Variants in GRM8 observed in about 807,000 individuals in gnomAD.
The protein encoded by GRM8 is metabotropic glutamate receptor 8.
A neutral mutation model predicts 87.2 loss-of-function variants in GRM8; 47 were observed. The observed-to-expected ratio is 0.54, with a 90% confidence interval of 0.43 to 0.69. GRM8 has a LOEUF of 0.69. Ranked by LOEUF, GRM8 falls within the 30% of genes least tolerant of loss-of-function variation. The pLI, the probability that GRM8 is intolerant of heterozygous loss-of-function variation, is 0.00. For missense variants in GRM8, 1,019 were observed against 1,139.2 expected (o/e 0.89, Z 1.52); for synonymous variants, 396 against 404.5 (o/e 0.98, Z 0.25).
At chr7:126,924,723 C>G (rs1014145898) in intron 3 of GRM8, among the ~76,000 whole-genome samples, 1 of 152,078 alleles carries the variant, frequency 6.6e-6, no homozygotes, top group East Asian at 1.9e-4. Flanking sequence ...TTATCTGGCT[C>G]TAATTGTACA....
chr7:126,778,523 T>C (rs1819707150), intron 6 of GRM8, among the ~76,000 whole-genome samples: 1 of 152,196 alleles, frequency 6.6e-6, no homozygotes, highest in African/African-American at 2.4e-5. Context: ...ATTTCATAGA[T>C]ATATCCCTAA....
intron 3 of GRM8, among the ~76,000 whole-genome samples, chr7:127,066,875 G>A (rs1231046836): frequency 6.6e-6 from 1 of 152,110 alleles, no homozygotes; most frequent in African/African-American, 2.4e-5. Flanking sequence ...CCACATATGA[G>A]TGACAACATG....
chr7:127,034,103 C>T (rs1033636324), intron 3 of GRM8, among the ~76,000 whole-genome samples: 1 of 152,172 alleles, frequency 6.6e-6, no homozygotes, highest in Non-Finnish European at 1.5e-5. Context: ...AGTGATATCA[C>T]TGCATAATTA....
chr7:126,960,951 T>C (rs1809253605), intron 3 of GRM8, among the ~76,000 whole-genome samples: 1 of 152,158 alleles, frequency 6.6e-6, no homozygotes, highest in African/African-American at 2.4e-5. Flanking sequence ...CCTTTATCAT[T>C]ATGGATGACT....
intron 3 of GRM8, among the ~76,000 whole-genome samples, chr7:127,102,622 T>C (rs887091883): frequency 1.3e-5 from 2 of 152,192 alleles, no homozygotes; most frequent in African/African-American, 2.4e-5. Context: ...ACAGCCTCCA[T>C]ATGGCATTAA....
chr7:127,023,265 T>A (rs1316761658), intron 3 of GRM8, among the ~76,000 whole-genome samples: 1 of 152,066 alleles, frequency 6.6e-6, no homozygotes, highest in Non-Finnish European at 1.5e-5. Context: ...TTATGGCAAA[T>A]CTATTTTTAA....
At position 126,637,700 on chromosome 7, in the gene GRM8, T is replaced by A. The variant is rs566302552; in HGVS notation, c.1358-28202A>T. ...AGGCCAAATTTAATTTGAGTAATTATGTTCTTGCTACCTCGAAGTCCCTTG... is the reference window on the plus strand; with the variant it reads ...AGGCCAAATTTAATTTGAGTAATTAAGTTCTTGCTACCTCGAAGTCCCTTG... On this transcript the variant is annotated intron_variant, in intron 7 of 10. Coordinates refer to ENST00000339582, the MANE Select transcript of GRM8 (RefSeq NM_000845.3). Among the ~76,000 whole-genome samples the A allele has an allele frequency of 3.9e-5, 6 of 152,286 alleles. No individual in the cohort carries two copies. In the South Asian group the frequency reaches 1.2e-3, roughly 32 times the overall value.
chr7:126,585,530 G>A (rs867656626), intron 8 of GRM8, among the ~76,000 whole-genome samples: 4 of 152,072 alleles, frequency 2.6e-5, no homozygotes, highest in Middle Eastern at 3.4e-3. Flanking sequence ...AAAATTGAAC[G>A]CAAATCAATA....
chr7:126,886,160 T>C (rs556226363), intron 6 of GRM8, among the ~76,000 whole-genome samples: 5 of 152,206 alleles, frequency 3.3e-5, no homozygotes, highest in African/African-American at 1.2e-4. Flanking sequence ...AGGGGTCATT[T>C]TACATACTAA....
At chr7:126,597,651 C>A (rs1797338233) in intron 8 of GRM8, among the ~76,000 whole-genome samples, 1 of 151,988 alleles carries the variant, frequency 6.6e-6, no homozygotes, top group Non-Finnish European at 1.5e-5. Flanking sequence ...CCATAAAAGT[C>A]TAGAGTCACT....
At chr7:126,654,795 C>T (rs551929134) in intron 7 of GRM8, among the ~76,000 whole-genome samples, 1 of 152,112 alleles carries the variant, frequency 6.6e-6, no homozygotes, top group Non-Finnish European at 1.5e-5. Flanking sequence ...GGAAGCTGAG[C>T]AGGCAAATCA....
At chr7:126,918,724 TCAAACAATCTTTTACTG>T (rs1804188835) in intron 3 of GRM8, among the ~76,000 whole-genome samples, 1 of 152,220 alleles carries the variant, frequency 6.6e-6, no homozygotes, top group African/African-American at 2.4e-5. Context: ...AGATGCACTG[TCAAACAATCTTTTACTG>T]AAACCAAAAA....
At chr7:126,848,641 C>T (rs370256105) in intron 6 of GRM8, among the ~76,000 whole-genome samples, 15 of 151,940 alleles carry the variant, frequency 9.9e-5, no homozygotes, top group East Asian at 7.8e-4. Context: ...GGCAACATGG[C>T]GAAACTCAAT....
intron 3 of GRM8, among the ~76,000 whole-genome samples, chr7:126,997,501 T>G (rs1029920942): frequency 6.6e-6 from 1 of 150,990 alleles, no homozygotes; most frequent in Non-Finnish European, 1.5e-5. Context: ...AGAAGTTTGT[T>G]TTTTTTAAAG....
chr7:126,573,556 A>G (rs896452599), intron 8 of GRM8, among the ~76,000 whole-genome samples: 9 of 151,556 alleles, frequency 5.9e-5, no homozygotes, highest in African/African-American at 2.2e-4. Context: ...AAGTAAACAA[A>G]TTCTTACCTT....
intron 8 of GRM8, among the ~76,000 whole-genome samples, chr7:126,601,690 G>A (rs1182278861): frequency 6.7e-6 from 1 of 149,470 alleles, no homozygotes; most frequent in Non-Finnish European, 1.5e-5. Flanking sequence ...TAGTGATGAT[G>A]AGCATTTTTT....
At chr7:126,703,767 G>T (rs959161567) in intron 7 of GRM8, among the ~76,000 whole-genome samples, 2 of 151,998 alleles carry the variant, frequency 1.3e-5, no homozygotes, top group African/African-American at 2.4e-5. Context: ...TTGCTATGTT[G>T]CCCAGTCTGG....
chr7:126,867,938 G>A (rs924718052), intron 6 of GRM8, among the ~76,000 whole-genome samples: 15 of 152,284 alleles, frequency 9.9e-5, no homozygotes, highest in African/African-American at 2.9e-4. Context: ...TATATGATCA[G>A]GACCTAAGGA....
intron 2 of GRM8, among the ~76,000 whole-genome samples, chr7:127,227,341 T>G (rs1797400567): frequency 6.6e-6 from 1 of 152,228 alleles, no homozygotes. Context: ...ATGAGTAGTT[T>G]GTTCTTCGGA....
Sources: allele counts gnomAD v4.1 joint callset (sites outside exome capture counted in the v4.1 genomes callset), GRCh38; gene constraint gnomAD v4.1.1; transcripts MANE v1.5; gene names NCBI Gene and HGNC (gene_info 2026-07-23, HGNC 2026-07-21).